The following PANK1 variants were observed in gnomAD, a reference collection of about 807,000 sequenced individuals.
PANK1 encodes the protein pantothenate kinase 1, also known as pantothenic acid kinase 1.
In PANK1, 18 loss-of-function variants were observed where a neutral mutation model predicts 40.1. The observed-to-expected ratio is 0.45, with a 90% CI of 0.31 to 0.67. The LOEUF (loss-of-function observed/expected upper bound fraction) is 0.67, where lower values mean the gene tolerates loss of function less well. Ranked by LOEUF, PANK1 falls within the 30% of genes least tolerant of loss-of-function variation. PANK1 has a pLI of 0.06. For missense variants in PANK1, 457 were observed against 599.6 expected, an observed-to-expected ratio of 0.76 and a Z score of 2.48; for synonymous variants, 242 against 237.7, an observed-to-expected ratio of 1.02 and a Z score of -0.17.
chr10:89,634,741 T>G (rs991986040), intron 1 of PANK1, among the ~76,000 whole-genome samples: 1 of 152,186 alleles, frequency 6.6e-6, no homozygotes, highest in African/African-American at 2.4e-5. Flanking sequence ...AAGAGGACAC[T>G]TCTTTTTTAA....
At position 89,594,045 on chromosome 10, in the gene PANK1, G is replaced by A. The variant is rs1469298794; in HGVS notation, c.900-56C>T. The A allele has an allele frequency of 4.0e-6, 5 of 1,257,766 alleles. No individual in the cohort carries two copies. The African/African-American group carries it at 4.4e-5, about 11-fold the overall frequency. 77.9% of individuals were successfully genotyped at this position (1,257,766 alleles called of 1,614,324 possible). A position where few individuals can be genotyped will look rare whatever the true frequency, so the allele number is the denominator to read the frequency against. On this transcript the variant is annotated intron_variant, in intron 3 of 6. Transcript: ENST00000307534. Reference sequence around the variant, plus strand: ...TTTACTTTAAGATATGCCCATCCAAGTCCCCAACTACGTCAAGACTATTAA... The same window carrying A: ...TTTACTTTAAGATATGCCCATCCAAATCCCCAACTACGTCAAGACTATTAA...
chr10:89,589,066 C>T (rs1046683636), intron 5 of PANK1, among the ~76,000 whole-genome samples: 8 of 152,090 alleles, frequency 5.3e-5, no homozygotes, highest in Admixed American at 3.3e-4. Context: ...TCAAAACATA[C>T]GTATATATAC....
chr10:89,637,110 G>A (rs561432404), intron 1 of PANK1, among the ~76,000 whole-genome samples: 22 of 151,682 alleles, frequency 1.5e-4, no homozygotes, highest in Non-Finnish European at 7.4e-5. Flanking sequence ...CACCAGCCTC[G>A]GCCTCCCAAA....
intron 2 of PANK1, among the ~76,000 whole-genome samples, chr10:89,609,843 G>A (rs1162394985): frequency 6.6e-6 from 1 of 152,212 alleles, no homozygotes; most frequent in Non-Finnish European, 1.5e-5. Context: ...ACCTGCTCAT[G>A]GCCAACACAT....
Position 89,584,165 on chromosome 10 carries a change from C to T in PANK1, c.*241G>A, listed in dbSNP as rs1481708689. On this transcript the variant is annotated 3_prime_UTR_variant, in exon 7 of 7. Coordinates refer to ENST00000307534, the MANE Select transcript of PANK1 (RefSeq NM_148977.3). ...AATTGGTAGGTTTGGCCACGCTGCACCATTTTTTTAAAAAAATACAGTATA... is the reference window on the plus strand; with the variant it reads ...AATTGGTAGGTTTGGCCACGCTGCATCATTTTTTTAAAAAAATACAGTATA... The T allele has an allele frequency of 2.3e-6, 1 of 436,600 alleles. No individual in the cohort carries two copies. Among genetic ancestry groups the T allele is most frequent in the East Asian group, 3.3e-5 (1 of 29,980 alleles). 27.0% of individuals were successfully genotyped at this position (436,600 alleles called of 1,614,324 possible). A position where few individuals can be genotyped will look rare whatever the true frequency, so the allele number is the denominator to read the frequency against.
chr10:89,593,528 G>C (rs1345245535), intron 4 of PANK1, among the ~76,000 whole-genome samples: 1 of 147,214 alleles, frequency 6.8e-6, no homozygotes, highest in South Asian at 2.2e-4. Context: ...TCCATTAATG[G>C]GGGGGGAAAA....
intron 5 of PANK1, among the ~76,000 whole-genome samples, chr10:89,589,909 G>A (rs1270532450): frequency 2.0e-5 from 3 of 151,828 alleles, no homozygotes; most frequent in African/African-American, 7.2e-5. Context: ...GTCCAAGGGA[G>A]GATTTGCTCA....
Position 89,611,777 on chromosome 10 carries a change from G to C in PANK1, c.564C>G (p.Ser188Arg), listed in dbSNP as rs146616899. The change falls in exon 2 of 7, where the codon AGC (serine) becomes AGG (arginine). Residue 188 changes from serine (S) to arginine (R), a missense_variant. Physicochemically the swap from Ser to Arg is moderately radical, Grantham distance 110. Transcript: ENST00000307534. ...TGTGAAGGCTAGAGAAGTTCTTCTC[G>C]CTGCCCATCTGAATGAACCTGTGCA... The part of the protein sequence containing the change: ...CAMHRFIQMG[S>R]EKNFSSLHTT... 2.5e-6 allele frequency: 4 copies of C among 1,614,188 alleles called. No individual in the cohort carries two copies. The highest frequency in any genetic ancestry group is 3.4e-6 in the Non-Finnish European group (4 of 1,180,026).
intron 6 of PANK1, among the ~76,000 whole-genome samples, chr10:89,584,686 C>T (rs1001163639): frequency 6.6e-6 from 1 of 152,190 alleles, no homozygotes; most frequent in African/African-American, 2.4e-5. Context: ...ATGTCTGGTA[C>T]ATGTGTGCTA....
In PANK1 at chr10:89,599,329, C is replaced by G. The variant is rs1199116278; in HGVS notation, c.822G>C (p.Leu274Phe). The change falls in exon 3 of 7, where the codon TTG becomes TTC. Residue 274 changes from leucine (L) to phenylalanine (F), a missense_variant. Physicochemically the swap from Leu to Phe is conservative, Grantham distance 22 (BLOSUM62 0). Around this residue, in one of 4 missense-constraint regions of PANK1, gnomAD observed 286 missense variants for 415.8 expected, o/e 0.69. Coordinates refer to ENST00000307534, the MANE Select transcript of PANK1 (RefSeq NM_148977.3). ...TGACACCTGAGCCCATGTTAACCAG[C>G]AACATAGGGTATGGGTTATCAAGGC... ...PYCLDNPYPM[L>F]LVNMGSGVSI... 6.2e-7 allele frequency: 1 copy of G among 1,612,482 alleles called. No homozygotes were observed. The highest frequency in any genetic ancestry group is 8.5e-7 in the Non-Finnish European group (1 of 1,178,626).
At chr10:89,582,100 T>C (rs989454223), downstream of PANK1, 2 of 152,246 alleles carry the variant, frequency 1.3e-5, no homozygotes, top group African/African-American at 2.4e-5. Context: ...AATATGTATG[T>C]AAAACAATTA....
chr10:89,585,136 G>A (rs1419687139), intron 6 of PANK1, among the ~76,000 whole-genome samples: 2 of 152,130 alleles, frequency 1.3e-5, no homozygotes, highest in Non-Finnish European at 2.9e-5. Flanking sequence ...AAATCAAGGT[G>A]TCTGGTGAGG....
At chr10:89,614,431 G>T (rs1476958533) in intron 1 of PANK1, among the ~76,000 whole-genome samples, 1 of 152,196 alleles carries the variant, frequency 6.6e-6, no homozygotes, top group African/African-American at 2.4e-5. Flanking sequence ...GAAACAAGAT[G>T]AGTGCCCTTT....
At chr10:89,637,170 G>A (rs566407675) in intron 1 of PANK1, among the ~76,000 whole-genome samples, 73 of 152,018 alleles carry the variant, frequency 4.8e-4, no homozygotes, top group Admixed American at 3.3e-3. Context: ...CCTGAGCACC[G>A]TTGAGCCACA....
intron 1 of PANK1, chr10:89,626,762 G>A (rs1426467428): frequency 6.6e-6 from 1 of 152,218 alleles, no homozygotes; most frequent in African/African-American, 2.4e-5. Flanking sequence ...CATCCACCCA[G>A]GAATGGCTCC....
intron 2 of PANK1, among the ~76,000 whole-genome samples, chr10:89,607,197 A>G (rs1434168607): frequency 6.6e-6 from 1 of 152,186 alleles, no homozygotes; most frequent in Non-Finnish European, 1.5e-5. Context: ...TTTGACTTGA[A>G]TATTTAGAGG....
At chr10:89,582,404 A>G (rs1294787072), downstream of PANK1, 1 of 152,220 alleles carries the variant, frequency 6.6e-6, no homozygotes, top group African/African-American at 2.4e-5. Flanking sequence ...ATATTTGTAT[A>G]ATGGAATAAT....
At chr10:89,614,382 G>C (rs573449352) in intron 1 of PANK1, among the ~76,000 whole-genome samples, 1 of 152,292 alleles carries the variant, frequency 6.6e-6, no homozygotes, top group South Asian at 2.1e-4. Context: ...CTTTTACCAT[G>C]CTCAAATCAA....
At position 89,611,691 on chromosome 10, in the gene PANK1, C is replaced by A; in HGVS notation, c.645+5G>T. 1 of 1,590,958 alleles carries A rather than the reference C, an allele frequency of 6.3e-7. No individual in the cohort carries two copies. The highest frequency in any genetic ancestry group is 8.6e-7 in the Non-Finnish European group (1 of 1,165,792). ...GATGTTTTAACAAAGACAAACCCGA[C>A]CTACCATTCTGAAGTCCTCTTCGAA... On this transcript the variant is annotated splice_donor_5th_base_variant and intron_variant, in intron 2 of 6. Coordinates refer to ENST00000307534, the MANE Select transcript of PANK1 (RefSeq NM_148977.3).
Sources: allele counts gnomAD v4.1 joint callset (sites outside exome capture counted in the v4.1 genomes callset), GRCh38; gene constraint gnomAD v4.1.1; regional missense constraint gnomAD v4.1.1; transcripts MANE v1.5; gene names NCBI Gene and HGNC (gene_info 2026-07-23, HGNC 2026-07-21).